Variants in NR3C2 observed in about 807,000 individuals in gnomAD.
NR3C2 encodes mineralocorticoid receptor.
NR3C2 carries 15 observed loss-of-function variants against 86.4 expected under a neutral mutation model. That is an observed-to-expected ratio of 0.17 (90% confidence interval 0.12 to 0.27). The LOEUF (loss-of-function observed/expected upper bound fraction) is 0.27. NR3C2 is among the 10% of genes least tolerant of loss of function. The pLI is 1.00. For missense variants in NR3C2, 960 were observed against 1,195.6 expected, an observed-to-expected ratio of 0.80 and a Z score of 2.91; for synonymous variants, 458 against 450.5, an observed-to-expected ratio of 1.02 and a Z score of -0.21.
chr4:148,444,545 G>T (rs1057077929), upstream of NR3C2: 19 of 987,238 alleles, frequency 1.9e-5, no homozygotes, highest in African/African-American at 3.1e-4. Context: ...GACATGGTGG[G>T]GAGGCTGGGG....
At chr4:148,361,348 T>C (rs192405560) in intron 2 of NR3C2, among the ~76,000 whole-genome samples, 1,966 of 152,332 alleles carry the variant, frequency 0.013, 15 homozygotes, top group Non-Finnish European at 0.02. Context: ...CGATATTCTT[T>C]TCTTTCTTAA....
intron 2 of NR3C2, among the ~76,000 whole-genome samples, chr4:148,268,392 A>G (rs1193843575): frequency 6.6e-6 from 1 of 152,222 alleles, no homozygotes; most frequent in Non-Finnish European, 1.5e-5. Flanking sequence ...TCCTAACTAA[A>G]TAAGGTTCAT....
intron 7 of NR3C2, among the ~76,000 whole-genome samples, chr4:148,119,296 A>G (rs1435736970): frequency 6.6e-6 from 1 of 152,106 alleles, no homozygotes; most frequent in Non-Finnish European, 1.5e-5. Flanking sequence ...AGACTTCCCC[A>G]CAGGTCCACA....
intron 3 of NR3C2, among the ~76,000 whole-genome samples, chr4:148,197,174 C>A (rs532623026): frequency 3.9e-5 from 6 of 152,120 alleles, no homozygotes; most frequent in Non-Finnish European, 5.9e-5. Context: ...TACTGTTGGT[C>A]TAATAAGACA....
In NR3C2 at chr4:148,080,794, G is replaced by C. The variant is rs1044653399; in HGVS notation, c.*550C>G. The C allele has an allele frequency of 4.7e-6, 2 of 423,266 alleles. No homozygotes were observed. The highest frequency in any genetic ancestry group is 2.4e-5 in the Admixed American group (1 of 41,436). 26.2% of individuals were successfully genotyped at this position (423,266 alleles called of 1,614,324 possible). The stretch of plus-strand genomic sequence containing the variant: ...ACCAGTGATGCAGAAGACCGTGGAC[G>C]AGCGAGGGCTCAGAGGCAGCTGCTG... On this transcript the variant is annotated 3_prime_UTR_variant, in exon 9 of 9. Transcript: ENST00000358102.
chr4:148,099,762 GAT>G (rs1560920997), intron 8 of NR3C2, among the ~76,000 whole-genome samples: 1 of 152,172 alleles, frequency 6.6e-6, no homozygotes, highest in African/African-American at 2.4e-5. Context: ...TAGACAATAA[GAT>G]AGTTTCCCAA....
At chr4:148,287,385 A>G (rs1357052480) in intron 2 of NR3C2, among the ~76,000 whole-genome samples, 1 of 152,124 alleles carries the variant, frequency 6.6e-6, no homozygotes, top group East Asian at 1.9e-4. Flanking sequence ...AATTTCACTG[A>G]TCATCATCTA....
rs569558821 is a variant in NR3C2 at position 148,104,994 on chromosome 4, G to T, written c.2799+9110C>A. 3.3e-5 allele frequency among the ~76,000 whole-genome samples: 5 copies of T among 152,048 alleles called. No individual in the cohort carries two copies. In the South Asian group the frequency reaches 1.0e-3, roughly 32 times the overall value. On this transcript the variant is annotated intron_variant, in intron 8 of 8. Transcript: ENST00000358102. ...GACAGAATAAAATATGAAGTGAGTG[G>T]GCTATCCAAGTAAATGGTGGACATA...
In NR3C2 at chr4:148,277,797, C is replaced by A. The variant is rs367813263; in HGVS notation, c.1758-17680G>T. 9.2e-5 allele frequency among the ~76,000 whole-genome samples: 14 copies of A among 152,240 alleles called. No homozygotes were observed. In the East Asian group the frequency reaches 2.5e-3, roughly 27 times the overall value. On this transcript the variant is annotated intron_variant, in intron 2 of 8. Coordinates refer to ENST00000358102, the MANE Select transcript of NR3C2 (RefSeq NM_000901.5). ...ACCCCACACCAGCATTCATGCCAGA[C>A]ACCCTGCTAGCTTTGTATCAAGGGC...
chr4:148,195,315 T>C lies in NR3C2; in HGVS notation c.1898-453A>G, dbSNP rs61757486. On this transcript the variant is annotated intron_variant, in intron 3 of 8. Transcript: ENST00000358102. ...TTATACAATTGGAAATGTTAAACTA[T>C]TTCATTCTGTAAAACAATATGGAAC... Among the ~76,000 whole-genome samples, 343 of 152,338 alleles carry C rather than the reference T, an allele frequency of 2.3e-3. 4 individuals are homozygous for C. The highest frequency in any genetic ancestry group is 0.02 in the Middle Eastern group (6 of 294).
At chr4:148,272,575 T>C (rs1346806794) in intron 2 of NR3C2, among the ~76,000 whole-genome samples, 1 of 152,218 alleles carries the variant, frequency 6.6e-6, no homozygotes, top group Admixed American at 6.5e-5. Flanking sequence ...GACATCCATA[T>C]TTTTACTACT....
intron 2 of NR3C2, among the ~76,000 whole-genome samples, chr4:148,261,437 C>T (rs942775927): frequency 6.6e-5 from 10 of 151,830 alleles, no homozygotes; most frequent in African/African-American, 1.9e-4. Context: ...CGCTATGGTG[C>T]GCTACGGTCA....
At chr4:148,386,235 G>A (rs752411475) in intron 2 of NR3C2, among the ~76,000 whole-genome samples, 46 of 152,236 alleles carry the variant, frequency 3.0e-4, no homozygotes, top group Admixed American at 5.9e-4. Context: ...CCACAGCTCT[G>A]AACATGAAGG....
At chr4:148,240,317 C>T (rs959133324) in intron 3 of NR3C2, among the ~76,000 whole-genome samples, 1 of 149,628 alleles carries the variant, frequency 6.7e-6, no homozygotes, top group African/African-American at 2.5e-5. Context: ...CCCCAATGTG[C>T]GTTTTACACT....
chr4:148,192,296 A>T (rs1336534757), intron 4 of NR3C2, among the ~76,000 whole-genome samples: 1 of 152,116 alleles, frequency 6.6e-6, no homozygotes, highest in African/African-American at 2.4e-5. Flanking sequence ...CCGGGCTGGC[A>T]TTGGGGGTTG....
intron 8 of NR3C2, among the ~76,000 whole-genome samples, chr4:148,086,668 A>C (rs979360682): frequency 6.6e-6 from 1 of 152,296 alleles, no homozygotes; most frequent in East Asian, 1.9e-4. Context: ...ATAGAACCTG[A>C]GAAGTGGAGG....
intron 2 of NR3C2, 51 bp from the exon 3 acceptor site, chr4:148,260,168 A>T: frequency 6.2e-7 from 1 of 1,609,566 alleles, no homozygotes; most frequent in Non-Finnish European, 8.5e-7. Context: ...GGCACATTTA[A>T]CATGCTGCAC....
chr4:148,370,629 T>C (rs999857283), intron 2 of NR3C2, among the ~76,000 whole-genome samples: 2 of 152,132 alleles, frequency 1.3e-5, no homozygotes, highest in South Asian at 2.1e-4. Context: ...TCTCCAACTA[T>C]GAAGTTTATA....
At chr4:148,090,268 A>G (rs1230580815) in intron 8 of NR3C2, among the ~76,000 whole-genome samples, 2 of 152,228 alleles carry the variant, frequency 1.3e-5, no homozygotes, top group Non-Finnish European at 2.9e-5. Flanking sequence ...TGACGAGGGA[A>G]GGGAGGAGGT....
Sources: gnomAD v4.1 joint callset for allele counts (sites outside exome capture counted in the v4.1 genomes callset) on GRCh38, gnomAD v4.1.1 for gene constraint, MANE v1.5 for transcripts, NCBI Gene and HGNC (gene_info 2026-07-23, HGNC 2026-07-21) for gene names.